Variants in CELF2 observed in about 807,000 individuals in gnomAD.
The protein encoded by CELF2 is CUG triplet repeat RNA-binding protein 2.
In CELF2, 8 loss-of-function variants were observed where a neutral mutation model predicts 62.6. The observed-to-expected ratio is 0.13, with a 90% CI of 0.07 to 0.23. CELF2 has a LOEUF of 0.23. Among genes scored for constraint, CELF2 ranks in the 10% least tolerant of loss-of-function variants. The pLI is 1.00. For synonymous variants in CELF2, 258 were observed against 250.0 expected (o/e 1.03, Z -0.30); for missense variants, 333 against 671.0 (o/e 0.50, Z 5.56).
the CELF2 span, among the ~76,000 whole-genome samples, chr10:10,727,707 C>T: frequency 6.6e-6 from 1 of 150,852 alleles, no homozygotes; most frequent in East Asian, 2.0e-4. Context: ...ACCCAAGAGG[C>T]GGATGTTGCA....
At chr10:11,233,110 A>G (rs1430495491) in intron 3 of CELF2, among the ~76,000 whole-genome samples, 1 of 152,246 alleles carries the variant, frequency 6.6e-6, no homozygotes, top group Non-Finnish European at 1.5e-5. Flanking sequence ...GTAAAATTCT[A>G]ACTAATGAAA....
chr10:10,661,258 A>T, the CELF2 span, among the ~76,000 whole-genome samples: 1 of 152,224 alleles, frequency 6.6e-6, no homozygotes. Context: ...ATTTAAATTG[A>T]ATCATATAGT....
the CELF2 span, among the ~76,000 whole-genome samples, chr10:10,542,433 C>G: frequency 6.6e-6 from 1 of 152,214 alleles, no homozygotes; most frequent in Non-Finnish European, 1.5e-5. Context: ...ACAAAGGCTA[C>G]TCACTCAGAG....
chr10:11,177,618 T>A lies in CELF2; in HGVS notation c.271+11936T>A, dbSNP rs1019443307. ...GCCTGGTTTCACGTTCCAGACAGCA[T>A]GAAGTACCTCAACAGCAAAGAAGGA... On this transcript the variant is annotated intron_variant, in intron 2 of 12. Coordinates refer to ENST00000633077, the MANE Select transcript of CELF2 (RefSeq NM_001326342.2). The surrounding 1 kb of genome is among the most constrained non-coding windows in gnomAD (Gnocchi z 4.8). Among the ~76,000 whole-genome samples the A allele has an allele frequency of 6.6e-5, 10 of 152,170 alleles. No homozygotes were observed. Among genetic ancestry groups the A allele is most frequent in the Admixed American group, 2.6e-4 (4 of 15,284 alleles).
chr10:11,161,602 T>C (rs902829236), intron 1 of CELF2, among the ~76,000 whole-genome samples: 5 of 152,234 alleles, frequency 3.3e-5, no homozygotes. Flanking sequence ...TGAAGAGTAT[T>C]GTATATCAAG....
rs1003354480 is a variant in CELF2, at chr10:10,961,900, T to A, written c.89+41901T>A. ...TCTTTTTTTCCCACCTAAGTATGGA[T>A]GAAAACCAAAAAACTAATCTCAAAT... is the stretch of plus-strand genomic sequence containing the variant. On this transcript the variant is annotated intron_variant, in intron 2 of 13. Coordinates refer to the CELF2 transcript ENST00000636488. Among the ~76,000 whole-genome samples, 9 of 151,956 alleles carry A rather than the reference T, an allele frequency of 5.9e-5. No individual in the cohort carries two copies. In the South Asian group the frequency reaches 1.9e-3, roughly 32 times the overall value.
chr10:11,165,210 T>C lies in CELF2; in HGVS notation c.75-276T>C, dbSNP rs1406247510. 3.9e-6 allele frequency: 5 copies of C among 1,288,080 alleles called. No individual in the cohort carries two copies. Among genetic ancestry groups the C allele is most frequent in the Non-Finnish European group, 4.9e-6 (5 of 1,012,826 alleles). The allele number at this position is 1,288,080 out of a possible 1,614,324, so 79.8% of individuals were successfully genotyped here. A position where few individuals can be genotyped will look rare whatever the true frequency, so the allele number is the denominator to read the frequency against. On this transcript the variant is annotated intron_variant, in intron 1 of 12. Transcript: ENST00000633077. This position sits in a 1 kb window ranked among gnomAD's most constrained non-coding sequence, Gnocchi z 7.4. ...GCAGCTGCCTCCCGAGCCTCCAAGATGTCCACGCCCTGGGTGACAGGCGGC... is the reference window on the plus strand; with the variant it reads ...GCAGCTGCCTCCCGAGCCTCCAAGACGTCCACGCCCTGGGTGACAGGCGGC...
chr10:11,206,401 T>G (rs987969977), intron 2 of CELF2, among the ~76,000 whole-genome samples: 1 of 152,268 alleles, frequency 6.6e-6, no homozygotes, highest in African/African-American at 2.4e-5. Context: ...GAAATAACCT[T>G]ATATTAGAAA....
At chr10:10,813,067 A>G (rs560982091) in intron 1 of CELF2, among the ~76,000 whole-genome samples, 3 of 152,304 alleles carry the variant, frequency 2.0e-5, no homozygotes, top group East Asian at 1.9e-4. Flanking sequence ...TATACTGCCC[A>G]GTTTTTCTCA....
chr10:10,927,162 C>G (rs1297503695), intron 2 of CELF2: 1 of 151,914 alleles, frequency 6.6e-6, no homozygotes, highest in African/African-American at 2.4e-5. Context: ...AGATGGTTCT[C>G]ATTCATATAT....
At chr10:10,496,937 C>G in the CELF2 span, among the ~76,000 whole-genome samples, 18 of 152,204 alleles carry the variant, frequency 1.2e-4, no homozygotes, top group African/African-American at 3.6e-4. Context: ...TGCCTGTAAT[C>G]CCAGCACTTT....
intron 4 of CELF2, among the ~76,000 whole-genome samples, chr10:11,251,249 C>T (rs1411572478): frequency 6.8e-6 from 1 of 147,440 alleles, no homozygotes; most frequent in Non-Finnish European, 1.5e-5. Flanking sequence ...CTGAAATATC[C>T]CAGTACTGAA....
intron 3 of CELF2, among the ~76,000 whole-genome samples, chr10:11,233,355 T>C (rs1018920443): frequency 1.3e-5 from 2 of 152,202 alleles, no homozygotes; most frequent in South Asian, 2.1e-4. Context: ...TGTGATCAAA[T>C]GCTGCCCTTT....
chr10:10,969,647 C>T lies in CELF2; in HGVS notation c.89+49648C>T, dbSNP rs538238096. ...GTGCACACTTATTATTCAGGCACTA[C>T]ACATAAAGGAAGGAATGGTCTGGAT... On this transcript the variant is annotated intron_variant, in intron 2 of 13. Coordinates refer to the CELF2 transcript ENST00000636488. 3.2e-4 allele frequency among the ~76,000 whole-genome samples: 49 copies of T among 152,214 alleles called. No individual in the cohort carries two copies. The East Asian group carries it at 6.0e-3, about 19-fold the overall frequency.
intron 2 of CELF2, among the ~76,000 whole-genome samples, chr10:10,952,557 C>T (rs1433604812): frequency 6.6e-6 from 1 of 152,116 alleles, no homozygotes; most frequent in Non-Finnish European, 1.5e-5. Context: ...CCTGGCAAGT[C>T]CCAGAGTCTC....
intron 2 of CELF2, among the ~76,000 whole-genome samples, chr10:11,206,751 A>G (rs775144576): frequency 3.9e-5 from 6 of 152,270 alleles, no homozygotes; most frequent in Non-Finnish European, 5.9e-5. Flanking sequence ...CTACTTTGGA[A>G]TTAGGTTTTG....
Position 10,905,313 on chromosome 10 carries a change from C to T in CELF2, c.54-14651C>T, listed in dbSNP as rs149164512. 7.0e-4 allele frequency among the ~76,000 whole-genome samples: 107 copies of T among 152,216 alleles called. 1 individual carries two copies. The East Asian group carries it at 0.011, about 15-fold the overall frequency. ...AGTAACAGCAATTTTTCAGTATATT[C>T]GTATCTTTGTCACTCATTGTCTTTC... On this transcript the variant is annotated intron_variant, in intron 1 of 13. Coordinates refer to the CELF2 transcript ENST00000636488.
chr10:11,285,346 G>C lies in CELF2; in HGVS notation c.842-3072G>C, dbSNP rs2090872909. On this transcript the variant is annotated intron_variant, in intron 8 of 12. Coordinates refer to ENST00000633077, the MANE Select transcript of CELF2 (RefSeq NM_001326342.2). The surrounding 1 kb of genome is among the most constrained non-coding windows in gnomAD (Gnocchi z 4.3). ...GCAGTCTGGCTGTTGAGCAGTGTTA[G>C]CTATGCCCCCGTGTGGTGCCTCAGA... Among the ~76,000 whole-genome samples, 1 of 152,124 alleles carries C rather than the reference G, an allele frequency of 6.6e-6. No individual in the cohort carries two copies. The highest frequency in any genetic ancestry group is 1.5e-5 in the Non-Finnish European group (1 of 68,020).
chr10:10,696,866 A>G, the CELF2 span, among the ~76,000 whole-genome samples: 4 of 151,874 alleles, frequency 2.6e-5, no homozygotes, highest in Non-Finnish European at 4.4e-5. Context: ...GCACCCAATG[A>G]CCTATGCCCA....
Sources: allele counts gnomAD v4.1 joint callset (sites outside exome capture counted in the v4.1 genomes callset), GRCh38; gene constraint gnomAD v4.1.1; non-coding constraint Gnocchi (gnomAD v3.1); transcripts MANE v1.5; gene names NCBI Gene and HGNC (gene_info 2026-07-23, HGNC 2026-07-21).